RBCK1: variants seen among roughly 807,000 people sequenced by gnomAD.
The protein encoded by RBCK1 is RANBP2-type and C3HC4-type zinc finger containing 1, also known as ranBP-type and C3HC4-type zinc finger-containing protein 1.
In RBCK1, 44 loss-of-function variants were observed where a neutral mutation model predicts 71.1. That is an observed-to-expected ratio of 0.62 (90% CI 0.49 to 0.80). The LOEUF (loss-of-function observed/expected upper bound fraction) is 0.80. RBCK1 is among the 30% of genes least tolerant of loss of function. The pLI, the probability that RBCK1 is intolerant of heterozygous loss-of-function variation, is 0.00. For synonymous variants in RBCK1, 306 were observed against 279.7 expected (o/e 1.09, Z -0.94); for missense variants, 569 against 685.0 (o/e 0.83, Z 1.89).
At position 419,721 on chromosome 20, in the gene RBCK1, A is replaced by T; in HGVS notation, c.746A>T (p.Gln249Leu). The T allele has an allele frequency of 2.6e-6, 4 of 1,559,268 alleles. No individual in the cohort carries two copies. Among genetic ancestry groups the T allele is most frequent in the Non-Finnish European group, 3.5e-6 (4 of 1,155,992 alleles). ...GCGGGCGAGGAGGAGGCGCTGCGTC[A>T]GTACCAGCAGGTGGGCGGGAAAGTC... ...RLAGEEEALR[Q>L]YQQRKQQQQE... is the part of the protein sequence containing the mutation. Residue 249 changes from glutamine (Q) to leucine (L), a missense_variant, in exon 6 of 12, where the codon CAG becomes CTG. By Grantham distance (113) the Gln-to-Leu change is moderately radical (BLOSUM62 -2). Around this residue, in one of 2 missense-constraint regions of RBCK1, gnomAD observed 358 missense variants for 375.6 expected, o/e 0.95. Coordinates refer to ENST00000356286, the MANE Select transcript of RBCK1 (RefSeq NM_031229.4).
At position 415,152 on chromosome 20, in the gene RBCK1, G is replaced by A. The variant is rs947807122; in HGVS notation, c.168-2374G>A. The stretch of plus-strand genomic sequence containing the variant: ...GCACTTTGGGAGGCTGAGGCAGGTG[G>A]ACTGCTTGAACCCATGAGTTCAAAA... On this transcript the variant is annotated intron_variant, in intron 2 of 11. Coordinates refer to ENST00000356286, the MANE Select transcript of RBCK1 (RefSeq NM_031229.4). 2.6e-5 allele frequency among the ~76,000 whole-genome samples: 4 copies of A among 152,156 alleles called. No homozygotes were observed. In the East Asian group the frequency reaches 7.7e-4, roughly 29 times the overall value.
chr20:426,089 G>C (rs1309093616), intron 8 of RBCK1, among the ~76,000 whole-genome samples: 1 of 152,058 alleles, frequency 6.6e-6, no homozygotes, highest in Non-Finnish European at 1.5e-5. Flanking sequence ...ATTTTTGCGG[G>C]TACATAGTTG....
chr20:426,537 C>A (rs1244916798), intron 8 of RBCK1, among the ~76,000 whole-genome samples: 2 of 152,246 alleles, frequency 1.3e-5, no homozygotes, highest in African/African-American at 2.4e-5. Flanking sequence ...GGATTGCATT[C>A]TTTTTTGTGG....
Position 417,096 on chromosome 20 carries a change from AAACAGG to A in RBCK1, c.168-429_168-424del, listed in dbSNP as rs2016033093. On this transcript the variant is annotated intron_variant, in intron 2 of 11. Coordinates refer to ENST00000356286, the MANE Select transcript of RBCK1 (RefSeq NM_031229.4). This position sits in a 1 kb window ranked among gnomAD's most constrained non-coding sequence, Gnocchi z 4.7. Reference sequence around the variant, plus strand: ...TCTGTGCCTCACATTTTTATCTGTAAAACAGGGATACAGCAGTACCTGTCTGATGGG... The same window carrying A: ...TCTGTGCCTCACATTTTTATCTGTAAGATACAGCAGTACCTGTCTGATGGG... 1 of 420,922 alleles carries A rather than the reference AAACAGG, an allele frequency of 2.4e-6. No individual in the cohort carries two copies. The highest frequency in any genetic ancestry group is 5.0e-6 in the Non-Finnish European group (1 of 201,342). The allele number at this position is 420,922 out of a possible 1,614,324, so 26.1% of individuals were successfully genotyped here. A position where few individuals can be genotyped will look rare whatever the true frequency, so the allele number is the denominator to read the frequency against.
chr20:421,089 A>AG (rs2122271199), intron 7 of RBCK1, 58 bp downstream of exon 7: 2 of 1,476,010 alleles, frequency 1.4e-6, no homozygotes, highest in African/African-American at 2.8e-5. Flanking sequence ...CCAATTACGC[A>AG]GGGCTGGACG....
At chr20:420,481 C>G in intron 6 of RBCK1, 1 of 984,748 alleles carries the variant, frequency 1.0e-6, no homozygotes, top group Non-Finnish European at 1.2e-6. Flanking sequence ...TCCACCAGCC[C>G]TGGCCCGGGC....
chr20:424,377 C>T (rs571199765), intron 8 of RBCK1, among the ~76,000 whole-genome samples: 7 of 151,390 alleles, frequency 4.6e-5, no homozygotes, highest in Middle Eastern at 6.8e-3. Context: ...ACATGGCAGC[C>T]GAGGCCCAAA....
In RBCK1 at chr20:427,323, C is replaced by G. The variant is rs370963132; in HGVS notation, c.1040C>G (p.Pro347Arg). 162 of 1,613,936 alleles carry G rather than the reference C, an allele frequency of 1.0e-4. No individual in the cohort carries two copies. The highest frequency in any genetic ancestry group is 1.3e-4 in the Non-Finnish European group (153 of 1,180,012). Residue 347 changes from proline (P) to arginine (R), a missense_variant, in exon 9 of 12, where the codon CCT becomes CGT. By Grantham distance (103) the Pro-to-Arg change is moderately radical. Transcript: ENST00000356286. ...ATGGTGTGTTGGCAGCTCCTGACCC[C>G]TGAGGATTACCAGCGATTTCTAGAC... ...LEREIKALLT[P>R]EDYQRFLDLG...
chr20:424,521 C>G (rs1034914627), intron 8 of RBCK1, among the ~76,000 whole-genome samples: 3 of 150,968 alleles, frequency 2.0e-5, no homozygotes, highest in Non-Finnish European at 4.4e-5. Flanking sequence ...GAGGTTCTGC[C>G]CCTGGGGAAA....
chr20:408,868 G>C (rs759857468), intron 1 of RBCK1, 89 bp downstream of exon 1: 9 of 1,479,952 alleles, frequency 6.1e-6, no homozygotes, highest in Non-Finnish European at 8.3e-6. Context: ...AAGGGCCTTG[G>C]AGAGGGGGCT....
In RBCK1 at chr20:408,550, C is replaced by T. The variant is rs1040426497; in HGVS notation, c.-208C>T. 2 of 648,284 alleles carry T rather than the reference C, an allele frequency of 3.1e-6. No individual in the cohort carries two copies. Among genetic ancestry groups the T allele is most frequent in the Non-Finnish European group, 5.4e-6 (2 of 368,168 alleles). 40.2% of individuals were successfully genotyped at this position (648,284 alleles called of 1,614,324 possible). On this transcript the variant is annotated 5_prime_UTR_variant, in exon 1 of 12. Transcript: ENST00000356286. ...CGGCGCCCGCTGCCCTCTCACCGCC[C>T]CACGCAGGATCCCGGCCTGGTCACC...
chr20:424,804 G>GT (rs1426608785), intron 8 of RBCK1, among the ~76,000 whole-genome samples: 3 of 152,244 alleles, frequency 2.0e-5, no homozygotes, highest in African/African-American at 7.2e-5. Context: ...TGGAGTTGAT[G>GT]TGAGTCTCAG....
Position 419,700 on chromosome 20 carries a change from G to C in RBCK1, c.725G>C (p.Gly242Ala). ...GAGGAGGAGCGAGCGCGCCTGGCGG[G>C]CGAGGAGGAGGCGCTGCGTCAGTAC... ...PDEEERARLA[G>A]EEEALRQYQQ... Residue 242 changes from glycine to alanine, a missense_variant, in exon 6 of 12, where the codon GGC becomes GCC. Around this residue, in one of 2 missense-constraint regions of RBCK1, gnomAD observed 358 missense variants for 375.6 expected, o/e 0.95. Transcript: ENST00000356286. 6.4e-7 allele frequency: 1 copy of C among 1,570,748 alleles called. No individual in the cohort carries two copies.
chr20:430,105 T>G lies in RBCK1; in HGVS notation c.1453-245T>G, dbSNP rs1223024698. On this transcript the variant is annotated intron_variant, in intron 11 of 11. Transcript: ENST00000356286. The surrounding 1 kb of genome is among the most constrained non-coding windows in gnomAD (Gnocchi z 5.6). ...GAAACTGCCCTCTCGCATGCTGACA[T>G]GTCTAGAATATGCAGAGTGGTCAGA... is the stretch of plus-strand genomic sequence containing the variant. Among the ~76,000 whole-genome samples the G allele has an allele frequency of 6.6e-6, 1 of 152,226 alleles. No individual in the cohort carries two copies. Among genetic ancestry groups the G allele is most frequent in the Non-Finnish European group, 1.5e-5 (1 of 68,040 alleles).
chr20:418,134 G>T (rs945192648), intron 4 of RBCK1, among the ~76,000 whole-genome samples: 5 of 152,192 alleles, frequency 3.3e-5, no homozygotes, highest in Admixed American at 2.6e-4. Flanking sequence ...ACGGGGAGGG[G>T]TGGACTCCGT....
Position 417,776 on chromosome 20 carries a change from G to A in RBCK1, c.306G>A (p.Val102=). 1 of 1,614,060 alleles carries A rather than the reference G, an allele frequency of 6.2e-7. No homozygotes were observed. Among genetic ancestry groups the A allele is most frequent in the Non-Finnish European group, 8.5e-7 (1 of 1,179,968 alleles). ...YGFPPVLQQW[V]IGQRLARDQE... Reference sequence around the variant, plus strand: ...TCCCACCAGTCTTGCAGCAGTGGGTGATTGGGCAGCGGCTGGCACGAGACC... The same window carrying A: ...TCCCACCAGTCTTGCAGCAGTGGGTAATTGGGCAGCGGCTGGCACGAGACC... The change falls in exon 4 of 12, where the codon GTG becomes GTA. Residue 102 remains valine, a synonymous_variant. Transcript: ENST00000356286. This position sits in a 1 kb window ranked among gnomAD's most constrained non-coding sequence, Gnocchi z 4.7.
At chr20:415,138 G>A (rs1372532322) in intron 2 of RBCK1, among the ~76,000 whole-genome samples, 2 of 152,184 alleles carry the variant, frequency 1.3e-5, no homozygotes, top group African/African-American at 4.8e-5. Flanking sequence ...CACTTTGGGA[G>A]GCTGAGGCAG....
In RBCK1 at chr20:409,966, G is replaced by A. The variant is rs762587991; in HGVS notation, c.108G>A (p.Glu36=). ...VAMKCAIWLA[E]QRVPLSVQLK... ...TGAAGTGTGCCATCTGGCTGGCAGA[G>A]CAACGGGTGCCCCTGAGTGTGCAAC... The change falls in exon 2 of 12, where the codon GAG becomes GAA. Residue 36 remains glutamate, a synonymous_variant. Transcript: ENST00000356286. 1.2e-6 allele frequency: 2 copies of A among 1,614,188 alleles called. No homozygotes were observed. Among genetic ancestry groups the A allele is most frequent in the Non-Finnish European group, 8.5e-7 (1 of 1,180,048 alleles).
chr20:429,374 G>GCC (rs1367542645), intron 11 of RBCK1, among the ~76,000 whole-genome samples: 1 of 152,104 alleles, frequency 6.6e-6, no homozygotes, highest in African/African-American at 2.4e-5. Flanking sequence ...TTACAGGCAT[G>GCC]CGCCACCACG....
Sources: allele counts gnomAD v4.1 joint callset (sites outside exome capture counted in the v4.1 genomes callset), GRCh38; gene constraint gnomAD v4.1.1; regional missense constraint gnomAD v4.1.1; non-coding constraint Gnocchi (gnomAD v3.1); transcripts MANE v1.5; gene names NCBI Gene and HGNC (gene_info 2026-07-23, HGNC 2026-07-21).